ACSM2A: variants seen among roughly 807,000 people sequenced by gnomAD.
ACSM2A encodes the protein acyl-coenzyme A synthetase ACSM2A, mitochondrial.
A neutral mutation model predicts 76.6 loss-of-function variants in ACSM2A; 72 were observed. That is an observed-to-expected ratio of 0.94 (90% CI 0.78 to 1.14). ACSM2A has a LOEUF of 1.14. Among genes scored for constraint, ACSM2A ranks in the 50% most tolerant of loss-of-function variants. The probability of loss-of-function intolerance (pLI) is 0.00; values close to 1 mark genes in which losing one functional copy is unlikely to be tolerated. For synonymous variants in ACSM2A, 249 were observed against 255.9 expected (o/e 0.97, Z 0.26); for missense variants, 684 against 708.5 (o/e 0.97, Z 0.39).
At chr16:20,464,810 C>T (rs1319374570) in intron 2 of ACSM2A, among the ~76,000 whole-genome samples, 2 of 151,994 alleles carry the variant, frequency 1.3e-5, no homozygotes, top group South Asian at 2.1e-4. Context: ...GATTGTGTAA[C>T]GGGGACAGAG....
At position 20,471,586 on chromosome 16, in the gene ACSM2A, G is replaced by T; in HGVS notation, c.791G>T (p.Gly264Val). ...SDIMWTISDT[G>V]WILNILCSLM... ...ATAATGTGGACCATATCAGACACAGGTTGGATACTGAACATCTTGTGCTCA... is the reference window on the plus strand; with the variant it reads ...ATAATGTGGACCATATCAGACACAGTTTGGATACTGAACATCTTGTGCTCA... The change falls in exon 6 of 14, where the codon GGT (glycine) becomes GTT (valine). Residue 264 changes from glycine to valine, a missense_variant. Physicochemically the swap from Gly to Val is moderately radical, Grantham distance 109. Around this residue, in one of 3 missense-constraint regions of ACSM2A, gnomAD observed 519 missense variants for 549.5 expected, o/e 0.94. Transcript: ENST00000573854. The T allele has an allele frequency of 3.1e-6, 5 of 1,614,042 alleles. No homozygotes were observed. The highest frequency in any genetic ancestry group is 4.2e-6 in the Non-Finnish European group (5 of 1,179,942).
intron 8 of ACSM2A, chr16:20,476,675 T>A (rs2013754780): frequency 3.0e-6 from 3 of 988,366 alleles, no homozygotes; most frequent in Non-Finnish European, 3.6e-6. Context: ...TGGATAAACT[T>A]GCCCTTTCCA....
At chr16:20,485,829 A>T (rs981469967) in intron 13 of ACSM2A, among the ~76,000 whole-genome samples, 1 of 152,238 alleles carries the variant, frequency 6.6e-6, no homozygotes, top group East Asian at 1.9e-4. Context: ...ATTCAAGACC[A>T]TCTAACACTT....
Position 20,457,701 on chromosome 16 carries a change from GC to G in ACSM2A, c.-8-2405del, listed in dbSNP as rs1390728235. Among the ~76,000 whole-genome samples, 5 of 152,026 alleles carry G rather than the reference GC, an allele frequency of 3.3e-5. No homozygotes were observed. In the East Asian group the frequency reaches 9.7e-4, roughly 29 times the overall value. ...AAAGCCATCTATGATAAACCCACAG[GC>G]AACATAATAGTGAATGGGGAAAAGT... On this transcript the variant is annotated intron_variant, in intron 1 of 13. Coordinates refer to ENST00000573854, the MANE Select transcript of ACSM2A (RefSeq NM_001308172.2).
In ACSM2A at chr16:20,480,617, G is replaced by A; in HGVS notation, c.1326G>A (p.Trp442Ter). 1.2e-6 allele frequency: 2 copies of A among 1,613,676 alleles called. No individual in the cohort carries two copies. Among genetic ancestry groups the A allele is most frequent in the South Asian group, 1.1e-5 (1 of 91,036 alleles). The change falls in exon 11 of 14, where the codon TGG (tryptophan) becomes TGA (stop). Residue 442 changes from tryptophan (W) to a stop codon, truncating the protein, a stop_gained. Coordinates refer to ENST00000573854, the MANE Select transcript of ACSM2A (RefSeq NM_001308172.2). LOFTEE classifies it high-confidence loss of function. Reference sequence around the variant, plus strand: ...CAGCCAACATTCGAGGAGACTTTTGGCTCCTTGGAGACCGGGGAATCAAAG... The same window carrying A: ...CAGCCAACATTCGAGGAGACTTTTGACTCCTTGGAGACCGGGGAATCAAAG... ...KTAANIRGDF[W>*]LLGDRGIKDE...
intron 10 of ACSM2A, 99 bp from the exon 11 acceptor site, chr16:20,480,474 G>T: frequency 1.3e-6 from 2 of 1,523,230 alleles, no homozygotes; most frequent in Non-Finnish European, 1.8e-6. Context: ...CTGCACACCT[G>T]CAGTTTTAAT....
At chr16:20,452,447 T>C (rs1025096417) in intron 1 of ACSM2A, 4 of 134,006 alleles carry the variant, frequency 3.0e-5, no homozygotes, top group Non-Finnish European at 6.2e-5. Context: ...AGATGGCCTA[T>C]TGTGGGACCT....
intron 3 of ACSM2A, among the ~76,000 whole-genome samples, chr16:20,467,260 C>T (rs7193826): frequency 0.4 from 60,119 of 151,554 alleles, 13,684 homozygotes; most frequent in East Asian, 0.79. Flanking sequence ...AGGTGCTAAA[C>T]TGGCAGTGCC....
At chr16:20,472,135 G>A (rs1268884888) in intron 6 of ACSM2A, among the ~76,000 whole-genome samples, 1 of 152,138 alleles carries the variant, frequency 6.6e-6, no homozygotes, top group East Asian at 1.9e-4. Context: ...AGTACACAGA[G>A]TGCCACCATC....
rs772488126 is a variant in ACSM2A, at chr16:20,471,548, G to C, written c.753G>C (p.Leu251=). 5.0e-6 allele frequency: 8 copies of C among 1,612,970 alleles called. No individual in the cohort carries two copies. Among genetic ancestry groups the C allele is most frequent in the Non-Finnish European group, 5.9e-6 (7 of 1,179,496 alleles). ...TCTGTGTTTTCAGTTGGACAGGCCT[G>C]CAAGCCTCTGATATAATGTGGACCA... ...KAKMDAGWTG[L]QASDIMWTIS... Residue 251 remains leucine, a synonymous_variant, in exon 6 of 14, where the codon CTG becomes CTC. Transcript: ENST00000573854.
intron 6 of ACSM2A, among the ~76,000 whole-genome samples, chr16:20,474,917 T>C (rs375388170): frequency 0.011 from 1,745 of 152,328 alleles, 19 homozygotes; most frequent in Non-Finnish European, 0.014. Flanking sequence ...TAAAATATAT[T>C]CCAAAAATAT....
At chr16:20,458,905 CATATATATATAT>C (rs72108144) in intron 1 of ACSM2A, among the ~76,000 whole-genome samples, 1 of 74,872 alleles carries the variant, frequency 1.3e-5, no homozygotes, top group Non-Finnish European at 2.4e-5. Flanking sequence ...TATATATATG[CATATATATATAT>C]ATATATATAT....
At position 20,480,595 on chromosome 16, in the gene ACSM2A, C is replaced by A; in HGVS notation, c.1304C>A (p.Ala435Asp). 6.2e-7 allele frequency: 1 copy of A among 1,613,828 alleles called. No homozygotes were observed. The highest frequency in any genetic ancestry group is 8.5e-7 in the Non-Finnish European group (1 of 1,179,832). ...CAGGACAATCCCGACAAGACAGCAG[C>A]CAACATTCGAGGAGACTTTTGGCTC... The part of the protein sequence containing the change: ...GYVDNPDKTA[A>D]NIRGDFWLLG... Residue 435 changes from alanine (A) to aspartate (D), a missense_variant, in exon 11 of 14, where the codon GCC (alanine) becomes GAC (aspartate). Physicochemically the swap from Ala to Asp is moderately radical, Grantham distance 126 (BLOSUM62 -2). Transcript: ENST00000573854.
At chr16:20,464,266 A>G (rs1295492375) in intron 2 of ACSM2A, among the ~76,000 whole-genome samples, 1 of 152,110 alleles carries the variant, frequency 6.6e-6, no homozygotes, top group Non-Finnish European at 1.5e-5. Flanking sequence ...TTAGTTCTAC[A>G]TTTTCAGGTA....
intron 2 of ACSM2A, among the ~76,000 whole-genome samples, chr16:20,462,848 G>A (rs2012713295): frequency 6.6e-6 from 1 of 151,548 alleles, no homozygotes; most frequent in Admixed American, 6.6e-5. Context: ...TTAAAATCAG[G>A]GTTTCTGAGG....
rs759472607 is a variant in ACSM2A at position 20,471,649 on chromosome 16, T to C, written c.854T>C (p.Val285Ala). Residue 285 changes from valine to alanine, a missense_variant, in exon 6 of 14, where the codon GTT becomes GCT. Physicochemically the swap from Val to Ala is moderately conservative, Grantham distance 64 (BLOSUM62 0). This residue lies in a region of ACSM2A where 519 missense variants were observed against 549.5 expected (regional missense o/e 0.94). Transcript: ENST00000573854. Reference sequence around the variant, plus strand: ...TGGGCATTAGGAGCATGCACATTTGTTCATCTCTTGCCAAAGTTTGACCCA... The same window carrying C: ...TGGGCATTAGGAGCATGCACATTTGCTCATCTCTTGCCAAAGTTTGACCCA... ...EPWALGACTF[V>A]HLLPKFDPLV... 1.9e-6 allele frequency: 3 copies of C among 1,613,912 alleles called. No homozygotes were observed. Among genetic ancestry groups the C allele is most frequent in the African/African-American group, 2.7e-5 (2 of 74,922 alleles).
intron 2 of ACSM2A, among the ~76,000 whole-genome samples, chr16:20,462,035 G>C (rs2012654070): frequency 1.3e-5 from 2 of 152,298 alleles, no homozygotes; most frequent in South Asian, 4.1e-4. Flanking sequence ...GACAGGTAAA[G>C]TCAGTTCCTT....
At chr16:20,463,742 T>C (rs2012779005) in intron 2 of ACSM2A, among the ~76,000 whole-genome samples, 1 of 152,156 alleles carries the variant, frequency 6.6e-6, no homozygotes, top group Non-Finnish European at 1.5e-5. Flanking sequence ...CCTAATATAG[T>C]ACCTTATATA....
chr16:20,483,569 C>CAGAA (rs2014223606), intron 13 of ACSM2A, among the ~76,000 whole-genome samples: 1 of 32,208 alleles, frequency 3.1e-5, no homozygotes, highest in Non-Finnish European at 6.0e-5. Flanking sequence ...GACTCTGTCT[C>CAGAA]AAAAAAAAAA....
Sources: gnomAD v4.1 joint callset for allele counts (sites outside exome capture counted in the v4.1 genomes callset) on GRCh38, gnomAD v4.1.1 for gene constraint, gnomAD v4.1.1 regional missense constraint, MANE v1.5 for transcripts, NCBI Gene and HGNC (gene_info 2026-07-23, HGNC 2026-07-21) for gene names.